Variants in ENOX1 observed in about 807,000 individuals in gnomAD.
The protein encoded by ENOX1 is candidate growth-related and time keeping constitutive hydroquinone (NADH) oxidase.
In ENOX1, 42 loss-of-function variants were observed where a neutral mutation model predicts 82.5. The ratio of observed to expected loss-of-function variants is 0.51; its 90% CI spans 0.40 to 0.66. The LOEUF (loss-of-function observed/expected upper bound fraction) is 0.66. ENOX1 is among the 30% of genes least tolerant of loss of function. ENOX1 has a pLI of 0.00. For missense variants in ENOX1, 608 were observed against 811.6 expected (o/e 0.75, Z 3.05); for synonymous variants, 271 against 282.2 (o/e 0.96, Z 0.40).
At chr13:43,275,600 A>G (rs1289791730) in intron 12 of ENOX1, among the ~76,000 whole-genome samples, 2 of 151,874 alleles carry the variant, frequency 1.3e-5, no homozygotes, top group Non-Finnish European at 2.9e-5. Flanking sequence ...ACACACACAC[A>G]TACACACAAT....
intron 1 of ENOX1, among the ~76,000 whole-genome samples, chr13:43,738,401 C>T (rs1468897714): frequency 6.6e-6 from 1 of 152,048 alleles, no homozygotes; most frequent in East Asian, 1.9e-4. Flanking sequence ...GGCTAACATT[C>T]TCTCAGGCCA....
At chr13:43,605,591 C>A (rs2081942545) in intron 2 of ENOX1, among the ~76,000 whole-genome samples, 1 of 152,128 alleles carries the variant, frequency 6.6e-6, no homozygotes, top group Admixed American at 6.6e-5. Flanking sequence ...GCTGGAACAA[C>A]TGGATATCCA....
chr13:43,396,301 C>T (rs2053145676), intron 5 of ENOX1, among the ~76,000 whole-genome samples: 1 of 152,186 alleles, frequency 6.6e-6, no homozygotes, highest in Non-Finnish European at 1.5e-5. Context: ...GTATGTGTGA[C>T]TGACTCGGTA....
intron 1 of ENOX1, among the ~76,000 whole-genome samples, chr13:43,712,524 T>C (rs1317532116): frequency 3.6e-4 from 53 of 148,356 alleles, no homozygotes; most frequent in South Asian, 4.4e-4. Context: ...GCCATTTTCA[T>C]GATATTGATT....
chr13:43,307,294 G>T (rs1286435430), intron 11 of ENOX1, among the ~76,000 whole-genome samples: 1 of 152,222 alleles, frequency 6.6e-6, no homozygotes, highest in Non-Finnish European at 1.5e-5. Flanking sequence ...AGTATGAACA[G>T]GTAGCTGGCA....
At chr13:43,481,334 T>C (rs181491559) in intron 3 of ENOX1, among the ~76,000 whole-genome samples, 14 of 152,120 alleles carry the variant, frequency 9.2e-5, no homozygotes, top group Admixed American at 5.9e-4. Context: ...TGGAAGAGGA[T>C]AGAGAGTCCA....
intron 16 of ENOX1, among the ~76,000 whole-genome samples, chr13:43,219,878 G>A (rs568714450): frequency 5.9e-5 from 9 of 152,354 alleles, no homozygotes; most frequent in South Asian, 2.1e-4. Flanking sequence ...AAAAGACGCC[G>A]GCAGAGGCCG....
At chr13:43,264,318 G>A (rs1264745489) in intron 14 of ENOX1, among the ~76,000 whole-genome samples, 1 of 152,178 alleles carries the variant, frequency 6.6e-6, no homozygotes, top group African/African-American at 2.4e-5. Context: ...ATCATGTCCT[G>A]TATCTTGTCA....
chr13:43,346,784 A>C (rs2049408533), intron 8 of ENOX1, among the ~76,000 whole-genome samples: 2 of 152,150 alleles, frequency 1.3e-5, no homozygotes, highest in African/African-American at 4.8e-5. Context: ...CTCCCTCCAC[A>C]CTCTCTACCT....
At chr13:43,257,321 G>T (rs569943661) in intron 14 of ENOX1, among the ~76,000 whole-genome samples, 1 of 152,304 alleles carries the variant, frequency 6.6e-6, no homozygotes, top group African/African-American at 2.4e-5. Flanking sequence ...AAAGAAAAGT[G>T]TTTAAGGCAG....
chr13:43,242,089 C>G (rs2042864081), intron 14 of ENOX1, among the ~76,000 whole-genome samples: 1 of 152,204 alleles, frequency 6.6e-6, no homozygotes, highest in Non-Finnish European at 1.5e-5. Context: ...ACTGCCTCAT[C>G]ATCTGAAATC....
At chr13:43,716,799 A>AG (rs1487374269) in intron 1 of ENOX1, among the ~76,000 whole-genome samples, 2 of 151,436 alleles carry the variant, frequency 1.3e-5, no homozygotes, top group East Asian at 3.9e-4. Context: ...AAAAAAAAAA[A>AG]ATGAATTACC....
At chr13:43,344,214 G>C (rs557981939) in intron 9 of ENOX1, among the ~76,000 whole-genome samples, 8 of 152,170 alleles carry the variant, frequency 5.3e-5, no homozygotes, top group Non-Finnish European at 1.2e-4. Context: ...GCAGGTGAAC[G>C]GTGGCGGCCC....
chr13:43,222,999 T>C (rs1203776621), intron 16 of ENOX1, among the ~76,000 whole-genome samples: 1 of 152,240 alleles, frequency 6.6e-6, no homozygotes, highest in Admixed American at 6.5e-5. Context: ...AAAAGATTCC[T>C]CTCAAAGGGG....
At position 43,330,985 on chromosome 13, in the gene ENOX1, T is replaced by C. The variant is rs189934223; in HGVS notation, c.1037-4460A>G. ...GCTGAGTTTAGAGCACACTTCTTAC[T>C]GATAGAGAACTTTACAGACTATCAT... On this transcript the variant is annotated intron_variant, in intron 9 of 16. Coordinates refer to ENST00000690772, the MANE Select transcript of ENOX1 (RefSeq NM_001347969.2). Among the ~76,000 whole-genome samples the C allele has an allele frequency of 1.5e-3, 235 of 152,368 alleles. 1 individual carries two copies. Among genetic ancestry groups the C allele is most frequent in the Middle Eastern group, 0.01 (3 of 294 alleles).
At chr13:43,596,985 T>A (rs112645383) in intron 2 of ENOX1, among the ~76,000 whole-genome samples, 42 of 152,292 alleles carry the variant, frequency 2.8e-4, no homozygotes, top group African/African-American at 1.0e-3. Flanking sequence ...AAAAGAAGTT[T>A]AATTGCCTCA....
At chr13:43,651,488 G>C (rs2084167029) in intron 2 of ENOX1, among the ~76,000 whole-genome samples, 2 of 151,076 alleles carry the variant, frequency 1.3e-5, no homozygotes, top group South Asian at 4.2e-4. Context: ...TTGAGGTCAG[G>C]AGTTCAAGAT....
At chr13:43,595,238 A>C (rs1235005804) in intron 2 of ENOX1, among the ~76,000 whole-genome samples, 1 of 151,660 alleles carries the variant, frequency 6.6e-6, no homozygotes, top group East Asian at 1.9e-4. Context: ...AATGAATAGA[A>C]GTTTGTAGAG....
At chr13:43,387,759 CAT>C (rs1475356491) in intron 5 of ENOX1, among the ~76,000 whole-genome samples, 2 of 151,882 alleles carry the variant, frequency 1.3e-5, no homozygotes. Context: ...TAAATGCACA[CAT>C]ATATACATAT....
Sources: gnomAD v4.1 joint callset for allele counts (sites outside exome capture counted in the v4.1 genomes callset) on GRCh38, gnomAD v4.1.1 for gene constraint, MANE v1.5 for transcripts, NCBI Gene and HGNC (gene_info 2026-07-23, HGNC 2026-07-21) for gene names.